The following VAV3 variants were observed in gnomAD, a reference collection of about 807,000 sequenced individuals.
VAV3 encodes guanine nucleotide exchange factor VAV3.
Under a neutral mutation model 131.2 loss-of-function variants are expected in VAV3, and 94 were observed. That is an observed-to-expected ratio of 0.72 (90% CI 0.61 to 0.85). The LOEUF is 0.85. VAV3 is among the 40% of genes least tolerant of loss of function. VAV3 has a pLI of 0.00. For synonymous variants in VAV3, 349 were observed against 342.0 expected, an observed-to-expected ratio of 1.02 and a Z score of -0.22; for missense variants, 939 against 1,002.7, an observed-to-expected ratio of 0.94 and a Z score of 0.86.
chr1:107,889,231 C>A (rs1671202076), intron 1 of VAV3, among the ~76,000 whole-genome samples: 1 of 150,988 alleles, frequency 6.6e-6, no homozygotes, highest in African/African-American at 2.4e-5. Context: ...CCTCCAAATT[C>A]TGTTATTGTA....
chr1:107,615,929 T>C (rs1418401796), intron 21 of VAV3, among the ~76,000 whole-genome samples: 1 of 152,110 alleles, frequency 6.6e-6, no homozygotes, highest in Non-Finnish European at 1.5e-5. Context: ...AGAATGGCTT[T>C]TATTAAAAAG....
intron 1 of VAV3, among the ~76,000 whole-genome samples, chr1:107,919,951 A>G (rs1279924468): frequency 6.6e-6 from 1 of 152,202 alleles, no homozygotes; most frequent in Non-Finnish European, 1.5e-5. Context: ...TCATCAGTTG[A>G]GGTGACTTTC....
chr1:107,650,777 T>C (rs1418038624), intron 19 of VAV3, among the ~76,000 whole-genome samples: 1 of 144,500 alleles, frequency 6.9e-6, no homozygotes, highest in Non-Finnish European at 1.5e-5. Context: ...GTTCTCATTG[T>C]TCAATTCCCA....
intron 1 of VAV3, among the ~76,000 whole-genome samples, chr1:107,944,234 C>T (rs1158124710): frequency 6.6e-6 from 1 of 152,218 alleles, no homozygotes; most frequent in Non-Finnish European, 1.5e-5. Context: ...CTTCTACTTA[C>T]CCTCTCCCCA....
At position 107,704,651 on chromosome 1, in the gene VAV3, C is replaced by A. The variant is rs1660335514; in HGVS notation, c.1605-1G>T. 2 of 1,610,518 alleles carry A rather than the reference C, an allele frequency of 1.2e-6. No individual in the cohort carries two copies. Among genetic ancestry groups the A allele is most frequent in the South Asian group, 1.1e-5 (1 of 90,748 alleles). ...TAAATAGCCTTGATAAAATGTTCCC[C>A]TGAAAGGTGAAATAAGAAAGTGGTA... On this transcript the variant is annotated splice_acceptor_variant, in intron 16 of 26. Transcript: ENST00000370056. LOFTEE classifies it high-confidence loss of function.
chr1:107,799,985 G>A (rs761160328), intron 2 of VAV3, among the ~76,000 whole-genome samples: 1 of 152,074 alleles, frequency 6.6e-6, no homozygotes, highest in African/African-American at 2.4e-5. Flanking sequence ...TTAACATAAT[G>A]ATCTCCAGTC....
At chr1:107,825,541 C>T (rs997879986) in intron 2 of VAV3, among the ~76,000 whole-genome samples, 1 of 151,892 alleles carries the variant, frequency 6.6e-6, no homozygotes, top group African/African-American at 2.4e-5. Context: ...AGAGAAAAAT[C>T]TACTACTTTC....
chr1:107,669,608 A>G (rs1384180805), intron 19 of VAV3: 1 of 1,101,100 alleles, frequency 9.1e-7, no homozygotes, highest in Non-Finnish European at 1.1e-6. Flanking sequence ...TTCTTGCACA[A>G]CAGGTTTTTT....
chr1:107,942,508 T>C (rs1434578976), intron 1 of VAV3, among the ~76,000 whole-genome samples: 1 of 152,182 alleles, frequency 6.6e-6, no homozygotes, highest in African/African-American at 2.4e-5. Flanking sequence ...CACCACACTT[T>C]CTAATTGGTA....
chr1:107,847,184 A>C (rs1331294784), intron 2 of VAV3, among the ~76,000 whole-genome samples: 1 of 152,206 alleles, frequency 6.6e-6, no homozygotes, highest in Non-Finnish European at 1.5e-5. Flanking sequence ...TGGGTAAATA[A>C]CGAAATTAAG....
chr1:107,772,649 C>T (rs972026376), intron 5 of VAV3, 86 bp downstream of exon 5: 3 of 1,171,392 alleles, frequency 2.6e-6, no homozygotes, highest in African/African-American at 3.1e-5. Context: ...AAAAAAATCC[C>T]AGCAGATGTT....
At chr1:107,682,443 A>G (rs1658704008) in intron 19 of VAV3, among the ~76,000 whole-genome samples, 1 of 152,194 alleles carries the variant, frequency 6.6e-6, no homozygotes, top group Non-Finnish European at 1.5e-5. Flanking sequence ...AGTCCTCTGC[A>G]AAGGATATTG....
chr1:107,596,338 G>T lies in VAV3; in HGVS notation c.2224C>A (p.Leu742Ile). 6.2e-7 allele frequency: 1 copy of T among 1,610,624 alleles called. No homozygotes were observed. The highest frequency in any genetic ancestry group is 8.5e-7 in the Non-Finnish European group (1 of 1,178,576). ...ENRKFKSLME[L>I]VEYYKHHSLK... ...GAATGATGCTTGTAGTACTCCACAA[G>T]TTCCTTTGGAAAAAAGAATCCAACA... The change falls in exon 25 of 27, where the codon CTT becomes ATT. Residue 742 changes from leucine (L) to isoleucine (I), a missense_variant. By Grantham distance (5) the Leu-to-Ile change is conservative (BLOSUM62 2). Transcript: ENST00000370056.
chr1:107,720,570 C>T (rs994527355), intron 15 of VAV3, among the ~76,000 whole-genome samples: 3 of 151,106 alleles, frequency 2.0e-5, no homozygotes, highest in Middle Eastern at 3.6e-3. Context: ...CCCAGCTACT[C>T]GAGAGGCTGA....
intron 19 of VAV3, among the ~76,000 whole-genome samples, chr1:107,658,537 A>G (rs959592023): frequency 2.6e-5 from 4 of 152,040 alleles, no homozygotes; most frequent in Non-Finnish European, 5.9e-5. Flanking sequence ...GACTTCCACA[A>G]TGGTTGAACT....
At position 107,872,728 on chromosome 1, in the gene VAV3, T is replaced by G. The variant is rs188119736; in HGVS notation, c.321+2173A>C. Among the ~76,000 whole-genome samples, 20 of 152,278 alleles carry G rather than the reference T, an allele frequency of 1.3e-4. No homozygotes were observed. In the East Asian group the frequency reaches 3.9e-3, roughly 29 times the overall value. Reference sequence around the variant, plus strand: ...TGTGAATGTTTGCACTATGGTACAGTAGTGGACAATCAGCTAGACCTGAGT... The same window carrying G: ...TGTGAATGTTTGCACTATGGTACAGGAGTGGACAATCAGCTAGACCTGAGT... On this transcript the variant is annotated intron_variant, in intron 2 of 26. Coordinates refer to ENST00000370056, the MANE Select transcript of VAV3 (RefSeq NM_006113.5).
chr1:107,663,981 C>T (rs1657228295), intron 19 of VAV3, among the ~76,000 whole-genome samples: 1 of 152,068 alleles, frequency 6.6e-6, no homozygotes, highest in Non-Finnish European at 1.5e-5. Flanking sequence ...CTCACCAATA[C>T]TCAAATGTAA....
At chr1:107,690,614 G>A (rs1003108464) in intron 17 of VAV3, among the ~76,000 whole-genome samples, 1 of 152,126 alleles carries the variant, frequency 6.6e-6, no homozygotes, top group African/African-American at 2.4e-5. Context: ...ATTGTCTCCT[G>A]CTTCCTTCCT....
At chr1:107,791,081 G>T (rs552665153) in intron 2 of VAV3, among the ~76,000 whole-genome samples, 1 of 152,218 alleles carries the variant, frequency 6.6e-6, no homozygotes, top group Admixed American at 6.5e-5. Context: ...ACCAAAGTTT[G>T]AGGGCCAGTG....
Sources: allele counts gnomAD v4.1 joint callset (sites outside exome capture counted in the v4.1 genomes callset), GRCh38; gene constraint gnomAD v4.1.1; transcripts MANE v1.5; gene names NCBI Gene and HGNC (gene_info 2026-07-23, HGNC 2026-07-21).